The following CFAP251 variants were observed in gnomAD, a reference collection of about 807,000 sequenced individuals.
CFAP251 encodes cilia and flagella associated protein 251.
CFAP251 carries 93 observed loss-of-function variants against 126.7 expected under a neutral mutation model. The observed-to-expected ratio is 0.73, with a 90% confidence interval of 0.62 to 0.87. CFAP251 has a LOEUF of 0.87. Among genes scored for constraint, CFAP251 ranks in the 40% least tolerant of loss-of-function variants. CFAP251 has a pLI of 0.00. For missense variants in CFAP251, 1,287 were observed against 1,389.2 expected, an observed-to-expected ratio of 0.93 and a Z score of 1.17; for synonymous variants, 503 against 506.9, an observed-to-expected ratio of 0.99 and a Z score of 0.10.
chr12:121,986,046 C>G (rs966200016), intron 19 of CFAP251, among the ~76,000 whole-genome samples: 15 of 152,148 alleles, frequency 9.9e-5, no homozygotes, highest in African/African-American at 3.6e-4. Flanking sequence ...GGCTGGTAGG[C>G]AATGGCGTGA....
intron 9 of CFAP251, chr12:121,953,123 C>T (rs1414586656): frequency 6.6e-6 from 1 of 152,198 alleles, no homozygotes. Flanking sequence ...CAAAACTCAT[C>T]TAACCTACAT....
chr12:121,944,628 G>T (rs928462348), intron 7 of CFAP251, among the ~76,000 whole-genome samples: 9 of 152,136 alleles, frequency 5.9e-5, no homozygotes, highest in African/African-American at 9.6e-5. Context: ...GGATTTTGTG[G>T]TTTTTTGATG....
intron 9 of CFAP251, among the ~76,000 whole-genome samples, chr12:121,951,820 G>A (rs555102844): frequency 5.1e-4 from 78 of 152,096 alleles, no homozygotes; most frequent in Non-Finnish European, 8.1e-4. Flanking sequence ...CCGGGTTCAC[G>A]CCATTCTTCT....
intron 7 of CFAP251, among the ~76,000 whole-genome samples, chr12:121,944,814 T>C (rs897993535): frequency 6.6e-6 from 1 of 152,218 alleles, no homozygotes; most frequent in African/African-American, 2.4e-5. Flanking sequence ...AGACAGGGTC[T>C]CACTGCTGTC....
intron 20 of CFAP251, 121 bp from the exon 21 acceptor site, chr12:122,001,376 G>C (rs1211362428): frequency 3.0e-6 from 3 of 1,006,120 alleles, no homozygotes; most frequent in Non-Finnish European, 4.6e-6. Flanking sequence ...TTTCAATTGA[G>C]TAAAAGAAAA....
At chr12:121,973,926 G>A (rs1383164443) in intron 17 of CFAP251, among the ~76,000 whole-genome samples, 2 of 152,132 alleles carry the variant, frequency 1.3e-5, no homozygotes, top group African/African-American at 4.8e-5. Context: ...ACGATTTTGG[G>A]GGACTATTGG....
intron 17 of CFAP251, among the ~76,000 whole-genome samples, chr12:121,973,614 C>G (rs890858794): frequency 4.6e-5 from 7 of 152,288 alleles, no homozygotes; most frequent in African/African-American, 1.4e-4. Context: ...ATGGAGCTGC[C>G]CAAGACCATG....
rs79615484 is a variant in CFAP251 at position 121,995,311 on chromosome 12, A to G, written c.3007-4405A>G. ...AAATTATATAGTGCAATATGCAAAT[A>G]ATTGCTACTGGATAGTGTTTTTTCC... On this transcript the variant is annotated intron_variant, in intron 19 of 21. Coordinates refer to ENST00000288912, the MANE Select transcript of CFAP251 (RefSeq NM_144668.6). Among the ~76,000 whole-genome samples the G allele has an allele frequency of 7.0e-4, 107 of 152,372 alleles. 3 individuals are homozygous for G. The East Asian group carries it at 0.02, about 28-fold the overall frequency.
At chr12:121,983,606 C>T (rs945224490) in intron 19 of CFAP251, among the ~76,000 whole-genome samples, 7 of 151,910 alleles carry the variant, frequency 4.6e-5, no homozygotes, top group African/African-American at 1.2e-4. Context: ...GAAATAAAAA[C>T]GGAGGTTGTA....
chr12:121,944,505 A>G (rs1031433969), intron 7 of CFAP251, among the ~76,000 whole-genome samples: 10 of 152,318 alleles, frequency 6.6e-5, no homozygotes, highest in Admixed American at 2.6e-4. Flanking sequence ...TTGTCTTCCA[A>G]TCCATGAGCA....
At chr12:121,941,743 T>C (rs543490073) in intron 5 of CFAP251, among the ~76,000 whole-genome samples, 1 of 152,210 alleles carries the variant, frequency 6.6e-6, no homozygotes, top group Non-Finnish European at 1.5e-5. Flanking sequence ...AGTACCATGA[T>C]GACTGTGAAT....
intron 1 of CFAP251, among the ~76,000 whole-genome samples, chr12:121,919,986 A>G (rs993233930): frequency 6.6e-6 from 1 of 152,046 alleles, no homozygotes; most frequent in Non-Finnish European, 1.5e-5. Context: ...GTTTAAGACC[A>G]GACTGGCCAA....
At chr12:121,945,992 A>C (rs1881311643) in intron 7 of CFAP251, among the ~76,000 whole-genome samples, 1 of 152,208 alleles carries the variant, frequency 6.6e-6, no homozygotes, top group Non-Finnish European at 1.5e-5. Context: ...AAAATATTAC[A>C]TCACTCCTGT....
intron 20 of CFAP251, 72 bp downstream of exon 20, chr12:122,000,016 G>C: frequency 7.3e-7 from 1 of 1,375,930 alleles, no homozygotes; most frequent in South Asian, 1.3e-5. Context: ...AGTTTGGGGA[G>C]CCAGCCCCTG....
At chr12:121,944,345 C>T (rs1320488243) in intron 7 of CFAP251, among the ~76,000 whole-genome samples, 1 of 152,148 alleles carries the variant, frequency 6.6e-6, no homozygotes, top group Non-Finnish European at 1.5e-5. Flanking sequence ...TTTTCTTTCT[C>T]CTTAAGGTTG....
chr12:121,979,563 C>CTTTTTTTTTTTTTTTT lies in CFAP251; in HGVS notation c.3006+3882_3006+3897dup, dbSNP rs71082922. ...GAGATCATTAGTCAGCTTTCTTCTT[C>CTTTTTTTTTTTTTTTT]TTTTTTTTTTTTTTTTTTTGAGACA... On this transcript the variant is annotated intron_variant, in intron 19 of 21. Transcript: ENST00000288912. 6.7e-4 allele frequency among the ~76,000 whole-genome samples: 57 copies of CTTTTTTTTTTTTTTTT among 84,992 alleles called. 7 individuals are homozygous for CTTTTTTTTTTTTTTTT. The highest frequency in any genetic ancestry group is 1.3e-3 in the East Asian group (3 of 2,324). 55.8% of individuals were successfully genotyped at this position (84,992 alleles called of 152,430 possible). A position where few individuals can be genotyped will look rare whatever the true frequency, so the allele number is the denominator to read the frequency against.
At chr12:121,934,734 A>G (rs1261849917) in intron 5 of CFAP251, among the ~76,000 whole-genome samples, 1 of 152,198 alleles carries the variant, frequency 6.6e-6, no homozygotes, top group Admixed American at 6.5e-5. Context: ...TTTTAGGTAT[A>G]GTAATGATGG....
chr12:121,962,260 C>T, intron 15 of CFAP251, 98 bp downstream of exon 15: 1 of 1,109,078 alleles, frequency 9.0e-7, no homozygotes, highest in Non-Finnish European at 1.3e-6. Context: ...GGCAGCTTGG[C>T]TACTATTATC....
At position 121,993,648 on chromosome 12, in the gene CFAP251, G is replaced by A. The variant is rs1390193417; in HGVS notation, c.3007-6068G>A. 4.3e-5 allele frequency among the ~76,000 whole-genome samples: 6 copies of A among 139,762 alleles called. No individual in the cohort carries two copies. In the East Asian group the frequency reaches 1.4e-3, roughly 32 times the overall value. The allele number at this position is 139,762 out of a possible 152,430, so 91.7% of individuals were successfully genotyped here. A position where few individuals can be genotyped will look rare whatever the true frequency, so the allele number is the denominator to read the frequency against. On this transcript the variant is annotated intron_variant, in intron 19 of 21. Coordinates refer to ENST00000288912, the MANE Select transcript of CFAP251 (RefSeq NM_144668.6). ...CATCTGGGATGTGAGGAGTGCCTCT[G>A]CCCGGCCGAGACCCCGTCTGGGAGG...
Sources: gnomAD v4.1 joint callset for allele counts (sites outside exome capture counted in the v4.1 genomes callset) on GRCh38, gnomAD v4.1.1 for gene constraint, MANE v1.5 for transcripts, NCBI Gene and HGNC (gene_info 2026-07-23, HGNC 2026-07-21) for gene names.